CCND3: variants seen among roughly 807,000 people sequenced by gnomAD.
CCND3 encodes G1/S-specific cyclin-D3.
A neutral mutation model predicts 28.7 loss-of-function variants in CCND3; 9 were observed. The ratio of observed to expected loss-of-function variants is 0.31; its 90% CI spans 0.19 to 0.55. The LOEUF (loss-of-function observed/expected upper bound fraction) is 0.55, where lower values mean the gene tolerates loss of function less well. Among genes scored for constraint, CCND3 ranks in the 20% least tolerant of loss-of-function variants. The pLI is 0.93. For synonymous variants in CCND3, 164 were observed against 163.9 expected (o/e 1.00, Z 0.00); for missense variants, 315 against 385.8 (o/e 0.82, Z 1.54).
intron 1 of CCND3, among the ~76,000 whole-genome samples, chr6:42,007,471 G>A (rs1483700577): frequency 6.6e-6 from 1 of 152,174 alleles, no homozygotes; most frequent in Non-Finnish European, 1.5e-5. Flanking sequence ...CTTTAAACGG[G>A]CAATTTTTAA....
At position 41,936,195 on chromosome 6, in the gene CCND3, G is replaced by A; in HGVS notation, c.712-88C>T. 1 of 1,388,394 alleles carries A rather than the reference G, an allele frequency of 7.2e-7. No individual in the cohort carries two copies. The highest frequency in any genetic ancestry group is 9.7e-7 in the Non-Finnish European group (1 of 1,030,046). 86.0% of individuals were successfully genotyped at this position (1,388,394 alleles called of 1,614,324 possible). ...AGGGGAAGGACAGCTCCCAACACATGGGGAAGTCTGGGGAGGTTAGGCCAC... is the reference window on the plus strand; with the variant it reads ...AGGGGAAGGACAGCTCCCAACACATAGGGAAGTCTGGGGAGGTTAGGCCAC... On this transcript the variant is annotated intron_variant, in intron 4 of 4. Transcript: ENST00000372991. The surrounding 1 kb of genome is among the most constrained non-coding windows in gnomAD (Gnocchi z 4.4).
intron 1 of CCND3, among the ~76,000 whole-genome samples, chr6:42,036,498 C>T (rs1764225441): frequency 6.8e-6 from 1 of 147,006 alleles, no homozygotes; most frequent in Non-Finnish European, 1.5e-5. Context: ...CAGCCTCCAC[C>T]TCCCAGGTTC....
chr6:42,028,046 C>T lies in CCND3; in HGVS notation c.-46+20455G>A, dbSNP rs574484987. On this transcript the variant is annotated intron_variant, in intron 1 of 4. Coordinates refer to the CCND3 transcript ENST00000372988. ...ACAGGCGTGAGACACCACGCCCGGC[C>T]GCCCGTTATGAAATGGGGGTAAAAA... 1.8e-4 allele frequency among the ~76,000 whole-genome samples: 27 copies of T among 152,286 alleles called. 1 individual carries two copies. In the South Asian group the frequency reaches 5.4e-3, roughly 30 times the overall value.
intron 1 of CCND3, among the ~76,000 whole-genome samples, chr6:41,978,734 A>T (rs1762249821): frequency 1.3e-5 from 2 of 151,890 alleles, no homozygotes; most frequent in African/African-American, 2.4e-5. Context: ...AGAGAGAAAT[A>T]CTCTAAATAT....
At chr6:41,971,207 C>T (rs902230026) in intron 1 of CCND3, among the ~76,000 whole-genome samples, 5 of 152,164 alleles carry the variant, frequency 3.3e-5, no homozygotes, top group African/African-American at 9.7e-5. Flanking sequence ...CATGAGCCAT[C>T]GCGCCCAGCC....
Position 42,026,365 on chromosome 6 carries a change from A to G in CCND3, c.-46+22136T>C, listed in dbSNP as rs191091230. On this transcript the variant is annotated intron_variant, in intron 1 of 4. Coordinates refer to the CCND3 transcript ENST00000372988. ...AGGGTGCTCCTGGAAGAAGGGCTCC[A>G]TGATGACCTCCAAGGGGCCTCTGGT... is the stretch of plus-strand genomic sequence containing the variant. Among the ~76,000 whole-genome samples, 189 of 151,820 alleles carry G rather than the reference A, an allele frequency of 1.2e-3. 1 individual carries two copies. Among genetic ancestry groups the G allele is most frequent in the Admixed American group, 8.9e-3 (136 of 15,230 alleles).
In CCND3 at chr6:41,936,790, G is replaced by A. The variant is rs182109690; in HGVS notation, c.575-95C>T. 26 of 1,304,336 alleles carry A rather than the reference G, an allele frequency of 2.0e-5. No individual in the cohort carries two copies. Among genetic ancestry groups the A allele is most frequent in the South Asian group, 5.5e-5 (4 of 73,108 alleles). The allele number at this position is 1,304,336 out of a possible 1,614,324, so 80.8% of individuals were successfully genotyped here. On this transcript the variant is annotated intron_variant, in intron 3 of 4. Transcript: ENST00000372991. This position sits in a 1 kb window ranked among gnomAD's most constrained non-coding sequence, Gnocchi z 4.4. ...CTCCTTGGAAAGTGCCAGGCAGCATGAGTAGAGCAGAGGACATGCTGGAAA... is the reference window on the plus strand; with the variant it reads ...CTCCTTGGAAAGTGCCAGGCAGCATAAGTAGAGCAGAGGACATGCTGGAAA...
chr6:41,959,258 G>A (rs984903118), intron 1 of CCND3, among the ~76,000 whole-genome samples: 18 of 152,128 alleles, frequency 1.2e-4, no homozygotes, highest in Non-Finnish European at 2.4e-4. Flanking sequence ...AGGTTGCGGT[G>A]AGCCGAGATT....
At chr6:41,982,613 G>A (rs777572712) in intron 1 of CCND3, among the ~76,000 whole-genome samples, 1 of 152,142 alleles carries the variant, frequency 6.6e-6, no homozygotes, top group Non-Finnish European at 1.5e-5. Context: ...AAAAGACCCA[G>A]AGTAGCCAAC....
chr6:41,989,432 C>T (rs918773834), intron 1 of CCND3, among the ~76,000 whole-genome samples: 30 of 114,238 alleles, frequency 2.6e-4, no homozygotes, highest in African/African-American at 8.8e-4. Context: ...CTAGCCTGGG[C>T]GACAAGAGTG....
chr6:41,993,903 A>C, intron 1 of CCND3, among the ~76,000 whole-genome samples: 1 of 148,832 alleles, frequency 6.7e-6, no homozygotes, highest in Non-Finnish European at 1.5e-5. Context: ...AGCCTGGGTG[A>C]CAGAGCGACA....
In CCND3 at chr6:41,935,821, T is replaced by C. The variant is rs1367412828; in HGVS notation, c.*119A>G. The C allele has an allele frequency of 1.0e-6, 1 of 985,892 alleles. No individual in the cohort carries two copies. The highest frequency in any genetic ancestry group is 2.6e-5 in the East Asian group (1 of 38,262). The allele number at this position is 985,892 out of a possible 1,614,324, so 61.1% of individuals were successfully genotyped here. On this transcript the variant is annotated 3_prime_UTR_variant, in exon 5 of 5. Coordinates refer to ENST00000372991, the MANE Select transcript of CCND3 (RefSeq NM_001760.5). ...GGGTAGGACCAGATCCCTTGGGCTT[T>C]GTGAAGGGGGAACAGACGCCCCTTC...
rs1032876082 is a variant in CCND3, at chr6:41,996,123, A to T, written c.-46+52378T>A. Among the ~76,000 whole-genome samples the T allele has an allele frequency of 7.2e-5, 7 of 96,960 alleles. No individual in the cohort carries two copies. The East Asian group carries it at 9.2e-4, about 13-fold the overall frequency. 63.6% of individuals were successfully genotyped at this position (96,960 alleles called of 152,430 possible). On this transcript the variant is annotated intron_variant, in intron 1 of 4. Transcript: ENST00000372988. Reference sequence around the variant, plus strand: ...AATCTGCTCTCATATATATATATATAATATATATATATATATTTTTTTTGT... The same window carrying T: ...AATCTGCTCTCATATATATATATATTATATATATATATATATTTTTTTTGT...
intron 1 of CCND3, among the ~76,000 whole-genome samples, chr6:41,971,069 C>T (rs940113617): frequency 1.3e-5 from 2 of 152,072 alleles, no homozygotes; most frequent in African/African-American, 4.8e-5. Context: ...AGGTGCATGC[C>T]ACCATGCCCA....
At chr6:41,970,856 GT>G (rs368080903) in intron 1 of CCND3, among the ~76,000 whole-genome samples, 2 of 151,606 alleles carry the variant, frequency 1.3e-5, no homozygotes, top group South Asian at 2.1e-4. Context: ...TTTGTGTTCT[GT>G]TTTTTTTCCA....
chr6:42,014,565 G>A (rs1763444137), intron 1 of CCND3, among the ~76,000 whole-genome samples: 1 of 152,192 alleles, frequency 6.6e-6, no homozygotes. Flanking sequence ...CAGGTCAGTG[G>A]GGGATACAAA....
chr6:41,941,515 G>C lies in CCND3; in HGVS notation c.135C>G (p.Phe45Leu), dbSNP rs762696595. 1 of 1,607,470 alleles carries C rather than the reference G, an allele frequency of 6.2e-7. No homozygotes were observed. Among genetic ancestry groups the C allele is most frequent in the Non-Finnish European group, 8.5e-7 (1 of 1,178,560 alleles). Residue 45 changes from phenylalanine (F) to leucine (L), a missense_variant, in exon 1 of 5, where the codon TTC becomes TTG. Coordinates refer to ENST00000372991, the MANE Select transcript of CCND3 (RefSeq NM_001760.5). This position sits in a 1 kb window ranked among gnomAD's most constrained non-coding sequence, Gnocchi z 6.1. ...EERYVPRASYFQCVQREIKPH... is the reference protein window; with the variant it reads ...EERYVPRASYLQCVQREIKPH... ...GCTTGATCTCCCGCTGCACGCACTGGAAGTAGGAGGCGCGGGGTACGTAGC... is the reference window on the plus strand; with the variant it reads ...GCTTGATCTCCCGCTGCACGCACTGCAAGTAGGAGGCGCGGGGTACGTAGC...
intron 1 of CCND3, among the ~76,000 whole-genome samples, chr6:42,002,577 G>T (rs1362550400): frequency 6.6e-6 from 1 of 152,184 alleles, no homozygotes; most frequent in Non-Finnish European, 1.5e-5. Flanking sequence ...AGAGGGCTGG[G>T]CGTGGTGGCT....
chr6:42,045,008 G>A (rs1334482965), intron 1 of CCND3, among the ~76,000 whole-genome samples: 2 of 129,058 alleles, frequency 1.5e-5, no homozygotes, highest in Non-Finnish European at 3.1e-5. Context: ...GTTTCACCAT[G>A]TTGGTCAGGC....
Sources: allele counts gnomAD v4.1 joint callset (sites outside exome capture counted in the v4.1 genomes callset), GRCh38; gene constraint gnomAD v4.1.1; non-coding constraint Gnocchi (gnomAD v3.1); transcripts MANE v1.5; gene names NCBI Gene and HGNC (gene_info 2026-07-23, HGNC 2026-07-21).